CSMD1: variants seen among roughly 807,000 people sequenced by gnomAD.
The protein encoded by CSMD1 is CUB and sushi domain-containing protein 1.
A neutral mutation model predicts 417.5 loss-of-function variants in CSMD1; 213 were observed. The observed-to-expected ratio is 0.51, with a 90% confidence interval of 0.46 to 0.57. The LOEUF is 0.57. Ranked by LOEUF, CSMD1 falls within the 20% of genes least tolerant of loss-of-function variation. CSMD1 has a pLI of 0.00. For missense variants in CSMD1, 6,923 were observed against 4,529.7 expected, an observed-to-expected ratio of 1.53 and a Z score of -15.17; for synonymous variants, 2,862 against 1,736.8, an observed-to-expected ratio of 1.65 and a Z score of -16.11.
At chr8:3,178,620 T>C (rs1023803066) in intron 37 of CSMD1, among the ~76,000 whole-genome samples, 3 of 152,334 alleles carry the variant, frequency 2.0e-5, no homozygotes, top group African/African-American at 7.2e-5. Flanking sequence ...ATGCTCTGTT[T>C]CTTCAGTTGG....
intron 23 of CSMD1, among the ~76,000 whole-genome samples, chr8:3,332,136 C>A (rs1177225223): frequency 6.6e-5 from 10 of 152,152 alleles, no homozygotes; most frequent in Non-Finnish European, 1.2e-4. Context: ...AGGTATGATA[C>A]ATAAATGTAA....
At chr8:3,300,728 G>A (rs1006102008) in intron 25 of CSMD1, among the ~76,000 whole-genome samples, 14 of 151,958 alleles carry the variant, frequency 9.2e-5, no homozygotes, top group East Asian at 1.9e-4. Context: ...AGGACGAGGC[G>A]GGCAGATCAT....
At chr8:3,665,797 G>A (rs1275572113) in intron 7 of CSMD1, among the ~76,000 whole-genome samples, 1 of 152,130 alleles carries the variant, frequency 6.6e-6, no homozygotes, top group Non-Finnish European at 1.5e-5. Flanking sequence ...ATTTCTTAGA[G>A]CACCCCTAGG....
Position 3,765,743 on chromosome 8 carries a change from G to A in CSMD1, c.819-11701C>T, listed in dbSNP as rs563727956. ...CCTTGCAGGTGGGGGCGCCCAGGGGGTGAGATCTGGCATCCTCCTTTTGTT... is the reference window on the plus strand; with the variant it reads ...CCTTGCAGGTGGGGGCGCCCAGGGGATGAGATCTGGCATCCTCCTTTTGTT... On this transcript the variant is annotated intron_variant, in intron 5 of 69. Coordinates refer to ENST00000635120, the MANE Select transcript of CSMD1 (RefSeq NM_033225.6). 5.0e-4 allele frequency among the ~76,000 whole-genome samples: 76 copies of A among 152,294 alleles called. 1 individual carries two copies. In the South Asian group the frequency reaches 0.015, roughly 30 times the overall value.
At chr8:3,554,942 G>A (rs79362439) in intron 10 of CSMD1, among the ~76,000 whole-genome samples, 1 of 152,014 alleles carries the variant, frequency 6.6e-6, no homozygotes, top group Non-Finnish European at 1.5e-5. Flanking sequence ...AAGTGGGTCA[G>A]GGGTGTTAAA....
At chr8:3,367,832 T>A (rs1359456545) in intron 19 of CSMD1, among the ~76,000 whole-genome samples, 3 of 152,128 alleles carry the variant, frequency 2.0e-5, no homozygotes, top group Non-Finnish European at 4.4e-5. Flanking sequence ...TGAGAATGTT[T>A]ACAATGGGTT....
chr8:4,107,407 C>G (rs899715205), intron 3 of CSMD1, among the ~76,000 whole-genome samples: 1 of 152,190 alleles, frequency 6.6e-6, no homozygotes, highest in Non-Finnish European at 1.5e-5. Flanking sequence ...CGCTCCACAG[C>G]AGAAAATGTC....
Position 3,110,221 on chromosome 8 carries a change from T to C in CSMD1, c.6545A>G (p.His2182Arg). 1 of 1,613,214 alleles carries C rather than the reference T, an allele frequency of 6.2e-7. No homozygotes were observed. The highest frequency in any genetic ancestry group is 1.1e-5 in the South Asian group (1 of 90,764). ...CIWLITVPPG[H>R]GVYINFTLLQ... is the part of the protein sequence containing the mutation. ...CAGGGTGAAGTTGATGTAAACTCCG[T>C]GCCCTGGAGGCACCGTGATGAGCCA... Residue 2182 changes from histidine (H) to arginine (R), a missense_variant, in exon 43 of 70, where the codon CAC becomes CGC. By Grantham distance (29) the His-to-Arg change is conservative (BLOSUM62 0). Coordinates refer to ENST00000635120, the MANE Select transcript of CSMD1 (RefSeq NM_033225.6).
chr8:3,603,124 AGGAGTGTCAATG>A (rs1298420143), intron 8 of CSMD1, among the ~76,000 whole-genome samples: 1 of 152,176 alleles, frequency 6.6e-6, no homozygotes, highest in African/African-American at 2.4e-5. Context: ...AAAGGCTTCA[AGGAGTGTCAATG>A]GGATATTATT....
intron 1 of CSMD1, among the ~76,000 whole-genome samples, chr8:4,993,425 G>A (rs1184444099): frequency 1.0e-5 from 1 of 99,672 alleles, no homozygotes; most frequent in Non-Finnish European, 2.9e-5. Context: ...TGTCTCAAAA[G>A]GGAGCTTATG....
chr8:4,026,827 C>G (rs930068607), intron 4 of CSMD1, among the ~76,000 whole-genome samples: 1 of 152,098 alleles, frequency 6.6e-6, no homozygotes, highest in South Asian at 2.1e-4. Context: ...AGGGAGATGA[C>G]AGGGAGACTC....
chr8:3,592,081 G>A (rs1035833061), intron 8 of CSMD1, among the ~76,000 whole-genome samples: 5 of 151,844 alleles, frequency 3.3e-5, no homozygotes, highest in African/African-American at 7.3e-5. Flanking sequence ...AGGAATTGAC[G>A]GATTAGAGAG....
At chr8:3,506,042 G>C (rs1051169168) in intron 10 of CSMD1, among the ~76,000 whole-genome samples, 3 of 152,194 alleles carry the variant, frequency 2.0e-5, no homozygotes, top group Admixed American at 2.0e-4. Flanking sequence ...AACAAATGTA[G>C]AAAGGGCAAC....
rs1257909453 is a variant in CSMD1 at position 3,838,817 on chromosome 8, T to A, written c.819-84775A>T. ...TAGTATAATATATAATAATTATATA[T>A]ACTATTAATATATAATATTAATTAT... On this transcript the variant is annotated intron_variant, in intron 5 of 69. Coordinates refer to ENST00000635120, the MANE Select transcript of CSMD1 (RefSeq NM_033225.6). Among the ~76,000 whole-genome samples the A allele has an allele frequency of 8.9e-5, 9 of 101,376 alleles. No homozygotes were observed. The Admixed American group carries it at 9.6e-4, about 11-fold the overall frequency. The allele number at this position is 101,376 out of a possible 152,430, so 66.5% of individuals were successfully genotyped here.
intron 2 of CSMD1, among the ~76,000 whole-genome samples, chr8:4,620,931 A>T (rs1450118172): frequency 6.6e-6 from 1 of 151,990 alleles, no homozygotes; most frequent in Non-Finnish European, 1.5e-5. Context: ...CAAATAATAA[A>T]TTAAAATGTG....
At chr8:3,142,110 TA>T (rs1818539548) in intron 41 of CSMD1, among the ~76,000 whole-genome samples, 1 of 152,188 alleles carries the variant, frequency 6.6e-6, no homozygotes, top group Admixed American at 6.5e-5. Flanking sequence ...AAATTATCTT[TA>T]AAAACTTGAA....
intron 1 of CSMD1, among the ~76,000 whole-genome samples, chr8:4,805,700 C>A (rs1016229892): frequency 2.6e-5 from 4 of 152,186 alleles, no homozygotes; most frequent in East Asian, 3.8e-4. Context: ...GATGACAGAA[C>A]AGACCTCATA....
At chr8:3,110,895 T>C (rs1031018652) in intron 42 of CSMD1, among the ~76,000 whole-genome samples, 3 of 152,358 alleles carry the variant, frequency 2.0e-5, no homozygotes, top group African/African-American at 7.2e-5. Flanking sequence ...TAGTGTTCAA[T>C]GACTTGAAGA....
At chr8:3,434,759 C>T (rs954037654) in intron 12 of CSMD1, among the ~76,000 whole-genome samples, 1 of 152,144 alleles carries the variant, frequency 6.6e-6, no homozygotes, top group African/African-American at 2.4e-5. Context: ...CTTGTCTGCT[C>T]CCATCTTGTA....
Sources: allele counts gnomAD v4.1 joint callset (sites outside exome capture counted in the v4.1 genomes callset), GRCh38; gene constraint gnomAD v4.1.1; transcripts MANE v1.5; gene names NCBI Gene and HGNC (gene_info 2026-07-23, HGNC 2026-07-21).